SRGAP2C: variants seen among roughly 807,000 people sequenced by gnomAD.
SRGAP2C encodes the protein SLIT-ROBO Rho GTPase activating protein 2C, also known as SLIT-ROBO Rho GTPase-activating protein 2C.
Under a neutral mutation model 25.1 loss-of-function variants are expected in SRGAP2C, and 15 were observed. The ratio of observed to expected loss-of-function variants is 0.60; its 90% CI spans 0.40 to 0.92. The LOEUF (loss-of-function observed/expected upper bound fraction) is 0.92, where lower values mean the gene tolerates loss of function less well. Ranked by LOEUF, SRGAP2C falls within the 40% of genes least tolerant of loss-of-function variation. The pLI is 0.00. For synonymous variants in SRGAP2C, 44 were observed against 96.6 expected (o/e 0.46, Z 3.19); for missense variants, 144 against 264.4 (o/e 0.54, Z 3.16).
chr1:121,323,351 C>A (rs1406285271), intron 3 of SRGAP2C, among the ~76,000 whole-genome samples: 3 of 152,086 alleles, frequency 2.0e-5, no homozygotes, highest in African/African-American at 7.2e-5. Context: ...CGCAGTGGCT[C>A]ACTCCTATAA....
intron 3 of SRGAP2C, among the ~76,000 whole-genome samples, chr1:121,306,770 G>A (rs1553339490): frequency 2.0e-5 from 3 of 151,776 alleles, no homozygotes; most frequent in Non-Finnish European, 4.4e-5. Flanking sequence ...TCTGGAATAC[G>A]TAATTATCTC....
chr1:121,379,174 T>C (rs1553354164), intron 7 of SRGAP2C, among the ~76,000 whole-genome samples: 3 of 152,212 alleles, frequency 2.0e-5, no homozygotes, highest in Non-Finnish European at 4.4e-5. Flanking sequence ...CAGTAAGAAA[T>C]GTCATTAAGG....
chr1:121,190,806 G>GT (rs1654651620), intron 2 of SRGAP2C, among the ~76,000 whole-genome samples: 1 of 143,212 alleles, frequency 7.0e-6, no homozygotes, highest in East Asian at 2.1e-4. Flanking sequence ...CCCAGGTCCT[G>GT]TTTTTTCAAT....
Position 121,391,094 on chromosome 1 carries a change from C to T in SRGAP2C, c.*3239C>T, listed in dbSNP as rs1660066490. ...AATAAATCTGCTGGGCGTGGTGGCT[C>T]ACGCCTGTAATCCCAGCACTTTGGG... On this transcript the variant is annotated 3_prime_UTR_variant, in exon 10 of 10. Transcript: ENST00000367123. 3 of 151,334 alleles carry T rather than the reference C, an allele frequency of 2.0e-5. No homozygotes were observed. The highest frequency in any genetic ancestry group is 2.1e-4 in the South Asian group (1 of 4,754). 9.4% of individuals were successfully genotyped at this position (151,334 alleles called of 1,614,324 possible). A position where few individuals can be genotyped will look rare whatever the true frequency, so the allele number is the denominator to read the frequency against.
At chr1:121,204,576 A>T (rs1308700230) in intron 2 of SRGAP2C, among the ~76,000 whole-genome samples, 1 of 152,156 alleles carries the variant, frequency 6.6e-6, no homozygotes, top group African/African-American at 2.4e-5. Context: ...TAGTTCTTAA[A>T]TGGCAATCTA....
At chr1:121,323,477 G>A (rs1257460598) in intron 3 of SRGAP2C, among the ~76,000 whole-genome samples, 8 of 143,834 alleles carry the variant, frequency 5.6e-5, no homozygotes, top group East Asian at 4.1e-4. Context: ...TTAGCTGGGC[G>A]TGGTGGCAGG....
intron 8 of SRGAP2C, among the ~76,000 whole-genome samples, chr1:121,384,899 G>A (rs1219513339): frequency 6.6e-6 from 1 of 152,198 alleles, no homozygotes; most frequent in Non-Finnish European, 1.5e-5. Context: ...ATTCCTCTCT[G>A]CTAGCTCACT....
intron 2 of SRGAP2C, among the ~76,000 whole-genome samples, chr1:121,283,996 G>C (rs1657306689): frequency 6.6e-6 from 1 of 150,928 alleles, no homozygotes; most frequent in South Asian, 2.1e-4. Context: ...AGTATTTCTA[G>C]CTATGACACT....
In SRGAP2C at chr1:121,294,726, C is replaced by A. The variant is rs1212550800; in HGVS notation, c.260+9731C>A. Among the ~76,000 whole-genome samples the A allele has an allele frequency of 6.4e-4, 88 of 136,904 alleles. 1 individual carries two copies. The East Asian group carries it at 0.018, about 28-fold the overall frequency. 89.8% of individuals were successfully genotyped at this position (136,904 alleles called of 152,430 possible). A position where few individuals can be genotyped will look rare whatever the true frequency, so the allele number is the denominator to read the frequency against. On this transcript the variant is annotated intron_variant, in intron 3 of 9. Transcript: ENST00000367123. The stretch of plus-strand genomic sequence containing the variant: ...CTGTTGAGTTTTTAGAGCAATACTT[C>A]TACATTTCTGTCCTGCTGTGTTCCT...
intron 4 of SRGAP2C, chr1:121,361,635 C>T (rs1367516391): frequency 1.3e-5 from 2 of 149,096 alleles, no homozygotes; most frequent in African/African-American, 2.5e-5. Context: ...GAGTGGAGGC[C>T]AGTGAAGCAC....
intron 2 of SRGAP2C, among the ~76,000 whole-genome samples, chr1:121,239,834 A>G (rs1379128992): frequency 2.2e-4 from 33 of 152,404 alleles, no homozygotes; most frequent in African/African-American, 7.7e-4. Context: ...TAAAATATTT[A>G]CTATCTGGCC....
At chr1:121,237,614 G>C (rs1433153497) in intron 2 of SRGAP2C, among the ~76,000 whole-genome samples, 1 of 151,802 alleles carries the variant, frequency 6.6e-6, no homozygotes, top group Admixed American at 6.6e-5. Context: ...TAAGTAAGGA[G>C]GTCATAGTAA....
In SRGAP2C at chr1:121,365,911, G is replaced by A. The variant is rs587635853; in HGVS notation, c.486+556G>A. On this transcript the variant is annotated intron_variant, in intron 5 of 9. Coordinates refer to ENST00000367123, the MANE Select transcript of SRGAP2C (RefSeq NM_001329984.2). ...TTTTATAAAGCCAAACCTCAGTGAC[G>A]AGGCAGGCTGCGGGCTTGAAGAAGA... 3.0e-3 allele frequency among the ~76,000 whole-genome samples: 434 copies of A among 145,118 alleles called. 6 individuals are homozygous for A. The highest frequency in any genetic ancestry group is 9.7e-3 in the African/African-American group (378 of 38,930).
At chr1:121,262,947 T>C (rs587742182) in intron 2 of SRGAP2C, among the ~76,000 whole-genome samples, 1 of 150,568 alleles carries the variant, frequency 6.6e-6, no homozygotes, top group Non-Finnish European at 1.5e-5. Context: ...TGTCAAAAAA[T>C]TTTTTAAATC....
intron 3 of SRGAP2C, among the ~76,000 whole-genome samples, chr1:121,303,913 T>G (rs1280049112): frequency 5.4e-5 from 8 of 147,840 alleles, no homozygotes; most frequent in African/African-American, 2.0e-4. Flanking sequence ...GTTTCAGAAT[T>G]ACTAACCCAG....
chr1:121,211,416 T>TACACACACACACAC (rs200891136), intron 2 of SRGAP2C, among the ~76,000 whole-genome samples: 3 of 130,118 alleles, frequency 2.3e-5, no homozygotes, highest in African/African-American at 8.4e-5. Context: ...TATATACACA[T>TACACACACACACAC]ACACACACAC....
intron 4 of SRGAP2C, among the ~76,000 whole-genome samples, chr1:121,338,670 C>A (rs1363215940): frequency 6.1e-5 from 7 of 115,210 alleles, no homozygotes; most frequent in Admixed American, 9.7e-5. Context: ...AATTTGAATT[C>A]TTTGCACTAA....
At chr1:121,208,651 G>A (rs1471820672) in intron 2 of SRGAP2C, among the ~76,000 whole-genome samples, 1 of 151,694 alleles carries the variant, frequency 6.6e-6, no homozygotes, top group Non-Finnish European at 1.5e-5. Flanking sequence ...TATTTTGCAC[G>A]TATTTGTTTA....
intron 3 of SRGAP2C, among the ~76,000 whole-genome samples, chr1:121,307,487 GTAATCTCTGGCAGACGAGCATA>G (rs1213960008): frequency 3.8e-5 from 5 of 131,384 alleles, no homozygotes; most frequent in Admixed American, 1.7e-4. Context: ...TCCACGAGTT[GTAATCTCTGGCAGACGAGCATA>G]AGAATCCACA....
Sources: allele counts gnomAD v4.1 joint callset (sites outside exome capture counted in the v4.1 genomes callset), GRCh38; gene constraint gnomAD v4.1.1; transcripts MANE v1.5; gene names NCBI Gene and HGNC (gene_info 2026-07-23, HGNC 2026-07-21).